STYK1: variants seen among roughly 807,000 people sequenced by gnomAD.
The protein encoded by STYK1 is tyrosine-protein kinase STYK1.
In STYK1, 46 loss-of-function variants were observed where a neutral mutation model predicts 48.1. The observed-to-expected ratio is 0.96, with a 90% CI of 0.75 to 1.22. The LOEUF (loss-of-function observed/expected upper bound fraction) is 1.22. STYK1 is among the 50% of genes most tolerant of loss of function. The pLI is 0.00. For missense variants in STYK1, 527 were observed against 521.1 expected, an observed-to-expected ratio of 1.01 and a Z score of -0.11; for synonymous variants, 188 against 189.0, an observed-to-expected ratio of 0.99 and a Z score of 0.04.
chr12:10,647,112 AC>A (rs375685196), intron 1 of STYK1, among the ~76,000 whole-genome samples: 37 of 152,328 alleles, frequency 2.4e-4, no homozygotes, highest in African/African-American at 8.9e-4. Flanking sequence ...TTGGGGCACC[AC>A]CTAGTGGAGC....
At chr12:10,666,941 A>G (rs186591802) in intron 1 of STYK1, among the ~76,000 whole-genome samples, 1 of 152,338 alleles carries the variant, frequency 6.6e-6, no homozygotes, top group African/African-American at 2.4e-5. Flanking sequence ...ACACATGTGT[A>G]TTACTGAGAT....
chr12:10,620,833 G>A (rs1026002056), intron 10 of STYK1, among the ~76,000 whole-genome samples: 34 of 152,200 alleles, frequency 2.2e-4, no homozygotes, highest in African/African-American at 8.2e-4. Context: ...TAGAATTGCA[G>A]ATGACAAGGC....
intron 1 of STYK1, among the ~76,000 whole-genome samples, chr12:10,670,346 A>G (rs1182882487): frequency 6.6e-6 from 1 of 152,218 alleles, no homozygotes; most frequent in Non-Finnish European, 1.5e-5. Flanking sequence ...CCATCAATGG[A>G]TAAATGAATA....
chr12:10,665,645 A>G (rs7968536), intron 1 of STYK1, among the ~76,000 whole-genome samples: 45,560 of 152,108 alleles, frequency 0.3, 8,316 homozygotes, highest in African/African-American at 0.52. Context: ...TTTCTTCTGG[A>G]ACTTTGGGAT....
chr12:10,665,537 G>C (rs1947825357), intron 1 of STYK1, among the ~76,000 whole-genome samples: 1 of 152,248 alleles, frequency 6.6e-6, no homozygotes, highest in South Asian at 2.1e-4. Flanking sequence ...AGGCTGACTG[G>C]ATATTCCATC....
chr12:10,657,870 G>C (rs564856738), intron 1 of STYK1, among the ~76,000 whole-genome samples: 1 of 152,326 alleles, frequency 6.6e-6, no homozygotes, highest in Non-Finnish European at 1.5e-5. Flanking sequence ...TGGAAAAACA[G>C]TTTTAACATG....
intron 10 of STYK1, 110 bp from the exon 11 acceptor site, chr12:10,620,458 T>A: frequency 1.0e-6 from 1 of 988,756 alleles, no homozygotes; most frequent in Non-Finnish European, 1.5e-6. Context: ...TTTAATTGTC[T>A]TCTGTTTGCC....
At chr12:10,642,254 A>T (rs1356634679) in intron 1 of STYK1, among the ~76,000 whole-genome samples, 1 of 152,228 alleles carries the variant, frequency 6.6e-6, no homozygotes, top group Non-Finnish European at 1.5e-5. Context: ...CTTACCCTGC[A>T]TAGAATTTCC....
chr12:10,627,644 C>A lies in STYK1; in HGVS notation c.714G>T (p.Ala238=), dbSNP rs55732607. The change falls in exon 7 of 11, where the codon GCG becomes GCT. Residue 238 remains alanine (A), a synonymous_variant. Transcript: ENST00000075503. ...VYHIGKQVLL[A]LEFLQEKHLF... ...TTGTCATGTTGCCTCATCTTACCAG[C>A]GCCAAAAGGACCTGCTTTCCGATGT... The A allele has an allele frequency of 3.7e-6, 6 of 1,612,820 alleles. No individual in the cohort carries two copies. The Admixed American group carries it at 6.7e-5, about 18-fold the overall frequency.
At chr12:10,653,856 A>G (rs1323840601) in intron 1 of STYK1, among the ~76,000 whole-genome samples, 1 of 152,246 alleles carries the variant, frequency 6.6e-6, no homozygotes, top group Non-Finnish European at 1.5e-5. Context: ...CATTTGAACC[A>G]GAGCAGCTCC....
intron 7 of STYK1, among the ~76,000 whole-genome samples, chr12:10,626,401 T>C (rs1448696307): frequency 1.3e-5 from 2 of 152,182 alleles, no homozygotes; most frequent in Admixed American, 1.3e-4. Context: ...TATTCACGTA[T>C]ATGATGTGTA....
chr12:10,660,393 G>A (rs1474308595), intron 1 of STYK1, among the ~76,000 whole-genome samples: 1 of 152,146 alleles, frequency 6.6e-6, no homozygotes, highest in East Asian at 1.9e-4. Context: ...TATTCAGCTA[G>A]AAGAAGTTAC....
At position 10,619,540 on chromosome 12, in the gene STYK1, A is replaced by C. The variant is rs1346412816; in HGVS notation, c.*604T>G. On this transcript the variant is annotated 3_prime_UTR_variant, in exon 11 of 11. Coordinates refer to ENST00000075503, the MANE Select transcript of STYK1 (RefSeq NM_018423.3). ...ACAAACAGAATTTACCTGTCTCAGA[A>C]TCAGATAAAAGGGGACCATCTTTCT... 1 of 152,910 alleles carries C rather than the reference A, an allele frequency of 6.5e-6. No homozygotes were observed. The highest frequency in any genetic ancestry group is 1.5e-5 in the Non-Finnish European group (1 of 68,522). 9.5% of individuals were successfully genotyped at this position (152,910 alleles called of 1,614,324 possible).
intron 1 of STYK1, among the ~76,000 whole-genome samples, chr12:10,648,020 T>C (rs1283298088): frequency 6.6e-6 from 1 of 152,158 alleles, no homozygotes; most frequent in Admixed American, 6.5e-5. Flanking sequence ...AACGGACTAA[T>C]ACACCACTCC....
At chr12:10,659,357 T>A (rs908437697) in intron 1 of STYK1, among the ~76,000 whole-genome samples, 5 of 152,198 alleles carry the variant, frequency 3.3e-5, no homozygotes, top group African/African-American at 9.6e-5. Context: ...TATAGTTATT[T>A]GCATAATTGC....
chr12:10,629,669 C>A lies in STYK1; in HGVS notation c.457G>T (p.Ala153Ser). 6.2e-7 allele frequency: 1 copy of A among 1,614,164 alleles called. No homozygotes were observed. The highest frequency in any genetic ancestry group is 8.5e-7 in the Non-Finnish European group (1 of 1,180,016). The change falls in exon 6 of 11, where the codon GCT (alanine) becomes TCT (serine). Residue 153 changes from alanine to serine, a missense_variant. Coordinates refer to ENST00000075503, the MANE Select transcript of STYK1 (RefSeq NM_018423.3). The stretch of plus-strand genomic sequence containing the variant: ...AAATCTTGTACCTCATGGAGCCCAG[C>A]TGGTTCTGTAGAGGACGAAAGATCC... ...SVILKALKEP[A>S]GLHEVQDFLG...
intron 1 of STYK1, among the ~76,000 whole-genome samples, chr12:10,661,495 C>T (rs1486415675): frequency 3.9e-5 from 6 of 152,204 alleles, no homozygotes; most frequent in Non-Finnish European, 7.3e-5. Flanking sequence ...TATTCCTTAA[C>T]TGATATTTGT....
chr12:10,648,610 A>ATTATTTAT (rs549570751), intron 1 of STYK1, among the ~76,000 whole-genome samples: 2 of 151,864 alleles, frequency 1.3e-5, no homozygotes, highest in African/African-American at 2.4e-5. Context: ...AAGACAAAAT[A>ATTATTTAT]TTATTTATTT....
At chr12:10,624,973 C>A (rs1048882308) in intron 7 of STYK1, 114 bp from the exon 8 acceptor site, 2 of 830,288 alleles carry the variant, frequency 2.4e-6, no homozygotes, top group Non-Finnish European at 4.0e-6. Flanking sequence ...CTACTCTGAA[C>A]AAGTCTCACT....
Sources: gnomAD v4.1 joint callset for allele counts (sites outside exome capture counted in the v4.1 genomes callset) on GRCh38, gnomAD v4.1.1 for gene constraint, MANE v1.5 for transcripts, NCBI Gene and HGNC (gene_info 2026-07-23, HGNC 2026-07-21) for gene names.